PIWIL1: variants seen among roughly 807,000 people sequenced by gnomAD.
The protein encoded by PIWIL1 is piwi like RNA-mediated gene silencing 1, also known as piwi-like protein 1.
Under a neutral mutation model 114.4 loss-of-function variants are expected in PIWIL1, and 73 were observed. That is an observed-to-expected ratio of 0.64 (90% confidence interval 0.53 to 0.78). PIWIL1 has a LOEUF of 0.78. Ranked by LOEUF, PIWIL1 falls within the 30% of genes least tolerant of loss-of-function variation. PIWIL1 has a pLI of 0.00. For synonymous variants in PIWIL1, 375 were observed against 369.0 expected (o/e 1.02, Z -0.19); for missense variants, 723 against 1,063.1 (o/e 0.68, Z 4.45).
chr12:130,361,739 T>C (rs2073515390), intron 16 of PIWIL1, 138 bp downstream of exon 16: 1 of 656,370 alleles, frequency 1.5e-6, no homozygotes, highest in Non-Finnish European at 2.6e-6. Flanking sequence ...GAAAGAAAAA[T>C]AATGACCTAC....
chr12:130,342,261 C>T (rs1251022683), intron 1 of PIWIL1: 3 of 327,008 alleles, frequency 9.2e-6, no homozygotes, highest in Admixed American at 4.4e-5. Context: ...GAACCAGCCA[C>T]CAGCATCCTA....
the PIWIL1 span, among the ~76,000 whole-genome samples, chr12:130,402,902 A>G: frequency 6.6e-6 from 1 of 152,242 alleles, no homozygotes; most frequent in Admixed American, 6.5e-5. Context: ...TAGCAAGAAC[A>G]GCACACGCTT....
At chr12:130,386,131 T>C in the PIWIL1 span, among the ~76,000 whole-genome samples, 1 of 152,162 alleles carries the variant, frequency 6.6e-6, no homozygotes, top group Non-Finnish European at 1.5e-5. Context: ...GATCCTCTTA[T>C]TTGGATGCCA....
chr12:130,372,870 G>T (rs537795804), downstream of PIWIL1, among the ~76,000 whole-genome samples: 1 of 152,192 alleles, frequency 6.6e-6, no homozygotes, highest in African/African-American at 2.4e-5. Context: ...ATGAATTATT[G>T]TAAATCCCGG....
At position 130,361,567 on chromosome 12, in the gene PIWIL1, G is replaced by C; in HGVS notation, c.1936G>C (p.Gly646Arg). The C allele has an allele frequency of 6.2e-7, 1 of 1,614,188 alleles. No individual in the cohort carries two copies. The highest frequency in any genetic ancestry group is 8.5e-7 in the Non-Finnish European group (1 of 1,180,032). Residue 646 changes from glycine to arginine, a missense_variant, in exon 16 of 21, where the codon GGA becomes CGA. Physicochemically the swap from Gly to Arg is moderately radical, Grantham distance 125 (BLOSUM62 -2). Coordinates refer to ENST00000245255, the MANE Select transcript of PIWIL1 (RefSeq NM_004764.5). ...DMTAGRRSIA[G>R]FVASINEGMT... The stretch of plus-strand genomic sequence containing the variant: ...GACAGCTGGGCGGAGGTCAATCGCA[G>C]GATTTGTTGCCAGCATCAATGAAGG...
At chr12:130,378,719 G>C in the PIWIL1 span, among the ~76,000 whole-genome samples, 1 of 152,266 alleles carries the variant, frequency 6.6e-6, no homozygotes, top group African/African-American at 2.4e-5. Flanking sequence ...AAGTAATGTT[G>C]CTGAGCATCT....
At chr12:130,389,214 A>G in the PIWIL1 span, among the ~76,000 whole-genome samples, 1 of 152,092 alleles carries the variant, frequency 6.6e-6, no homozygotes, top group Non-Finnish European at 1.5e-5. Context: ...CATTTTGTTT[A>G]GAGTGTTTAC....
intron 14 of PIWIL1, 111 bp from the exon 15 acceptor site, chr12:130,361,069 G>T (rs1036387461): frequency 2.4e-6 from 2 of 833,202 alleles, no homozygotes; most frequent in East Asian, 2.7e-5. Context: ...TAAAATAAAT[G>T]ATCATGTTCT....
chr12:130,391,920 A>G, the PIWIL1 span, among the ~76,000 whole-genome samples: 1 of 152,246 alleles, frequency 6.6e-6, no homozygotes, highest in Non-Finnish European at 1.5e-5. Context: ...TGACCTGGTG[A>G]ATATTCAATG....
the PIWIL1 span, among the ~76,000 whole-genome samples, chr12:130,416,972 G>T: frequency 6.6e-6 from 1 of 151,830 alleles, no homozygotes; most frequent in South Asian, 2.1e-4. Flanking sequence ...TTTAAAAAAT[G>T]TATAAAAATA....
the PIWIL1 span, among the ~76,000 whole-genome samples, chr12:130,391,309 G>A: frequency 5.3e-5 from 8 of 152,194 alleles, no homozygotes; most frequent in South Asian, 2.1e-4. Context: ...GGAAATTCTC[G>A]CTGGGGCCGT....
chr12:130,355,959 G>A (rs1282320633), intron 12 of PIWIL1, among the ~76,000 whole-genome samples: 1 of 152,118 alleles, frequency 6.6e-6, no homozygotes, highest in Non-Finnish European at 1.5e-5. Context: ...CACCCCAGGA[G>A]GAGAAAACGT....
intron 19 of PIWIL1, among the ~76,000 whole-genome samples, chr12:130,368,457 A>G (rs913303475): frequency 6.6e-6 from 1 of 152,102 alleles, no homozygotes; most frequent in Admixed American, 6.6e-5. Context: ...GTGGAGAGAA[A>G]TTTTTATTTT....
chr12:130,369,096 G>C (rs960830944), intron 19 of PIWIL1, among the ~76,000 whole-genome samples: 4 of 152,036 alleles, frequency 2.6e-5, no homozygotes, highest in African/African-American at 4.8e-5. Context: ...TCTCCTCCAT[G>C]TTCATGTGTT....
At chr12:130,372,878 C>T (rs928149597), downstream of PIWIL1, among the ~76,000 whole-genome samples, 5 of 152,026 alleles carry the variant, frequency 3.3e-5, no homozygotes, top group South Asian at 2.1e-4. Context: ...TTGTAAATCC[C>T]GGGAACACCT....
chr12:130,376,883 T>A (rs1235561373), downstream of PIWIL1, among the ~76,000 whole-genome samples: 1 of 152,178 alleles, frequency 6.6e-6, no homozygotes, highest in Non-Finnish European at 1.5e-5. Context: ...CCATGTTGTG[T>A]CATCCCAGCT....
Position 130,349,453 on chromosome 12 carries a change from A to C in PIWIL1, c.932+17A>C. 6.5e-7 allele frequency: 1 copy of C among 1,533,164 alleles called. No homozygotes were observed. The allele number at this position is 1,533,164 out of a possible 1,614,324, so 95.0% of individuals were successfully genotyped here. On this transcript the variant is annotated intron_variant, in intron 8 of 20. Coordinates refer to ENST00000245255, the MANE Select transcript of PIWIL1 (RefSeq NM_004764.5). ...TCTTACCAAGTAAGACTGCTTTTTA[A>C]AGTGCACAATAATTTTTTGTGAGTC...
intron 17 of PIWIL1, 25 bp downstream of exon 17, chr12:130,362,861 T>C: frequency 5.0e-6 from 8 of 1,612,820 alleles, no homozygotes; most frequent in Non-Finnish European, 6.8e-6. Context: ...GGGTTGCCAT[T>C]CTACTCTCTA....
chr12:130,364,195 G>A (rs1273203222), intron 18 of PIWIL1, among the ~76,000 whole-genome samples: 3 of 152,188 alleles, frequency 2.0e-5, no homozygotes. Context: ...TTTAAAGATT[G>A]AACTTTTCAG....
Sources: allele counts gnomAD v4.1 joint callset (sites outside exome capture counted in the v4.1 genomes callset), GRCh38; gene constraint gnomAD v4.1.1; transcripts MANE v1.5; gene names NCBI Gene and HGNC (gene_info 2026-07-23, HGNC 2026-07-21).